Variants in SVIL observed in about 807,000 individuals in gnomAD.
The protein encoded by SVIL is archvillin.
SVIL carries 101 observed loss-of-function variants against 240.4 expected under a neutral mutation model. That is an observed-to-expected ratio of 0.42 (90% CI 0.36 to 0.50). The LOEUF (loss-of-function observed/expected upper bound fraction) is 0.50, where lower values mean the gene tolerates loss of function less well. Ranked by LOEUF, SVIL falls within the 20% of genes least tolerant of loss-of-function variation. The pLI, the probability that SVIL is intolerant of heterozygous loss-of-function variation, is 0.01. For missense variants in SVIL, 2,512 were observed against 2,818.7 expected, an observed-to-expected ratio of 0.89 and a Z score of 2.46; for synonymous variants, 999 against 1,100.0, an observed-to-expected ratio of 0.91 and a Z score of 1.82.
rs186146178 is a variant in SVIL at position 29,459,886 on chromosome 10, T to G, written c.6403-1297A>C. 1.9e-3 allele frequency among the ~76,000 whole-genome samples: 287 copies of G among 151,986 alleles called. 1 individual carries two copies. The highest frequency in any genetic ancestry group is 6.7e-3 in the African/African-American group (276 of 41,432). On this transcript the variant is annotated intron_variant, in intron 36 of 37. Coordinates refer to ENST00000355867, the MANE Select transcript of SVIL (RefSeq NM_021738.3). ...TGGGAAGAGTCCTTGAATCCAGGAG[T>G]TGGAGACCAGCTTGGGCAATATGAT...
chr10:29,652,116 T>A lies in SVIL; in HGVS notation c.-201+5853A>T, dbSNP rs180753923. Among the ~76,000 whole-genome samples the A allele has an allele frequency of 1.1e-4, 17 of 152,318 alleles. No individual in the cohort carries two copies. In the East Asian group the frequency reaches 3.3e-3, roughly 29 times the overall value. On this transcript the variant is annotated intron_variant, in intron 3 of 35. Transcript: ENST00000375400. Reference sequence around the variant, plus strand: ...TATCATTCAATGGTTTTTAATATATTCACGGAATTGTACGACCATTAGAAA... The same window carrying A: ...TATCATTCAATGGTTTTTAATATATACACGGAATTGTACGACCATTAGAAA...
In SVIL at chr10:29,487,151, T is replaced by C; in HGVS notation, c.4485+12A>G. ...ATGTTAGCTAAAGCATTTTTATTTT[T>C]CAGGTACCAACCTTCGCCTTTTCTA... On this transcript the variant is annotated intron_variant, in intron 24 of 37. Transcript: ENST00000355867. 6.2e-7 allele frequency: 1 copy of C among 1,613,372 alleles called. No individual in the cohort carries two copies.
At chr10:29,565,770 G>A (rs1013813784) in intron 2 of SVIL, among the ~76,000 whole-genome samples, 8 of 151,934 alleles carry the variant, frequency 5.3e-5, no homozygotes, top group Admixed American at 4.6e-4. Context: ...GCACAAGCCT[G>A]TAGTCCCAGC....
chr10:29,696,820 T>TGGG, intron 1 of SVIL, among the ~76,000 whole-genome samples: 1 of 143,234 alleles, frequency 7.0e-6, no homozygotes, highest in Non-Finnish European at 1.5e-5. Context: ...GGGAGGGAGG[T>TGGG]GGGGCTCAGC....
intron 1 of SVIL, among the ~76,000 whole-genome samples, chr10:29,722,560 C>G (rs898276235): frequency 1.3e-5 from 2 of 152,176 alleles, no homozygotes; most frequent in Admixed American, 6.5e-5. Context: ...AGAATCCTTT[C>G]CAATTCAGCA....
intron 3 of SVIL, among the ~76,000 whole-genome samples, chr10:29,655,118 G>A (rs1413397162): frequency 3.9e-5 from 6 of 152,096 alleles, no homozygotes; most frequent in Admixed American, 6.6e-5. Context: ...TTCTCCAGAG[G>A]GGCAGAACCA....
chr10:29,685,956 T>A (rs779143856), intron 2 of SVIL, among the ~76,000 whole-genome samples: 1 of 152,232 alleles, frequency 6.6e-6, no homozygotes, highest in Non-Finnish European at 1.5e-5. Context: ...ACCCATTCAT[T>A]AGTCAGTCAG....
intron 1 of SVIL, among the ~76,000 whole-genome samples, chr10:29,593,448 CA>C (rs1309284411): frequency 6.6e-6 from 1 of 152,176 alleles, no homozygotes; most frequent in Non-Finnish European, 1.5e-5. Flanking sequence ...GATTCCAGAC[CA>C]AGGGAAATCC....
chr10:29,646,061 T>C (rs1958644938), intron 3 of SVIL, among the ~76,000 whole-genome samples: 1 of 152,186 alleles, frequency 6.6e-6, no homozygotes, highest in Admixed American at 6.5e-5. Flanking sequence ...TTTTGTCTGG[T>C]TTGTGAACTG....
intron 26 of SVIL, 93 bp downstream of exon 26, chr10:29,485,992 T>G: frequency 6.9e-7 from 1 of 1,456,570 alleles, no homozygotes; most frequent in Non-Finnish European, 9.4e-7. Context: ...TGGCTAACCT[T>G]TATTGGGAAC....
chr10:29,576,552 A>T (rs1268872739), intron 1 of SVIL, among the ~76,000 whole-genome samples: 1 of 152,208 alleles, frequency 6.6e-6, no homozygotes, highest in East Asian at 1.9e-4. Context: ...ATTAAATTAA[A>T]TAAAATTATG....
At chr10:29,491,474 C>G (rs1262260809) in intron 21 of SVIL, among the ~76,000 whole-genome samples, 1 of 152,214 alleles carries the variant, frequency 6.6e-6, no homozygotes, top group Non-Finnish European at 1.5e-5. Context: ...TCGGCCTAAA[C>G]TTTCTCCCTA....
intron 2 of SVIL, among the ~76,000 whole-genome samples, chr10:29,671,790 T>C (rs943307229): frequency 6.6e-6 from 1 of 152,222 alleles, no homozygotes; most frequent in African/African-American, 2.4e-5. Context: ...CAATGTCAAA[T>C]CCTCTGCCAA....
chr10:29,711,769 A>C (rs1319295511), intron 1 of SVIL: 1 of 152,148 alleles, frequency 6.6e-6, no homozygotes, highest in Non-Finnish European at 1.5e-5. Flanking sequence ...CTCAAGGAAA[A>C]AAAAAAAAAG....
chr10:29,636,814 G>GT (rs1020491214), upstream of SVIL, among the ~76,000 whole-genome samples: 6 of 151,854 alleles, frequency 4.0e-5, no homozygotes, highest in South Asian at 4.2e-4. Flanking sequence ...GTTTTGTTTT[G>GT]TTTTTTTGAG....
chr10:29,526,428 C>T (rs1950923517), intron 13 of SVIL, among the ~76,000 whole-genome samples: 1 of 151,674 alleles, frequency 6.6e-6, no homozygotes, highest in African/African-American at 2.4e-5. Flanking sequence ...CCTCAGTCTC[C>T]CAAGTAGCTA....
chr10:29,554,829 G>A lies in SVIL; in HGVS notation c.114C>T (p.Asp38=), dbSNP rs769033419. The part of the protein sequence containing the change: ...GLVTHRLLEE[D]TPRYMRASDP... ...CGCTGGCTCTCATGTATCGAGGGGT[G>A]TCTTCCTCCAGCAGGCGGTGAGTCA... The change falls in exon 5 of 38, where the codon GAC becomes GAT. Residue 38 remains aspartate, a synonymous_variant. Coordinates refer to ENST00000355867, the MANE Select transcript of SVIL (RefSeq NM_021738.3). 9 of 1,613,500 alleles carry A rather than the reference G, an allele frequency of 5.6e-6. No homozygotes were observed. The South Asian group carries it at 7.7e-5, about 14-fold the overall frequency.
At chr10:29,617,756 G>A (rs1957482260) in intron 1 of SVIL, among the ~76,000 whole-genome samples, 1 of 152,148 alleles carries the variant, frequency 6.6e-6, no homozygotes, top group Non-Finnish European at 1.5e-5. Context: ...CTTGCTGGTG[G>A]ACTCCAAGTT....
chr10:29,699,690 C>T (rs61849392), intron 1 of SVIL, among the ~76,000 whole-genome samples: 8 of 152,330 alleles, frequency 5.3e-5, no homozygotes, highest in African/African-American at 1.9e-4. Flanking sequence ...GTAAGTTCTG[C>T]TCAATTCTTT....
Sources: allele counts gnomAD v4.1 joint callset (sites outside exome capture counted in the v4.1 genomes callset), GRCh38; gene constraint gnomAD v4.1.1; transcripts MANE v1.5; gene names NCBI Gene and HGNC (gene_info 2026-07-23, HGNC 2026-07-21).